The following ZNF708 variants were observed in gnomAD, a reference collection of about 807,000 sequenced individuals.
The protein encoded by ZNF708 is zinc finger protein 708.
In ZNF708, 44 loss-of-function variants were observed where a neutral mutation model predicts 47.0. The observed-to-expected ratio is 0.94, with a 90% CI of 0.74 to 1.20. The LOEUF (loss-of-function observed/expected upper bound fraction) is 1.20. Among genes scored for constraint, ZNF708 ranks in the 50% most tolerant of loss-of-function variants. ZNF708 has a pLI of 0.00. For synonymous variants in ZNF708, 184 were observed against 218.5 expected (o/e 0.84, Z 1.39); for missense variants, 557 against 656.0 (o/e 0.85, Z 1.65).
chr19:21,294,468 A>G lies in ZNF708; in HGVS notation c.498T>C (p.Asn166=), dbSNP rs780641593. 1.2e-5 allele frequency: 20 copies of G among 1,613,722 alleles called. No homozygotes were observed. The highest frequency in any genetic ancestry group is 1.7e-5 in the Non-Finnish European group (20 of 1,179,876). ...TGCCACATTCTTTACATTTGAAAGG[A>G]TTTTTTCCAGTATGTCTTATCTTAT... is the stretch of plus-strand genomic sequence containing the variant. ...KRHKIRHTGK[N]PFKCKECGKS... is the part of the protein sequence containing the mutation. The change falls in exon 4 of 4, where the codon AAT becomes AAC. Residue 166 remains asparagine (N), a synonymous_variant. Transcript: ENST00000356929.
At position 21,329,365 on chromosome 19, in the gene ZNF708, G is replaced by T; in HGVS notation, c.-153C>A. 1 of 1,239,116 alleles carries T rather than the reference G, an allele frequency of 8.1e-7. No individual in the cohort carries two copies. The highest frequency in any genetic ancestry group is 1.1e-6 in the Non-Finnish European group (1 of 872,184). The allele number at this position is 1,239,116 out of a possible 1,614,324, so 76.8% of individuals were successfully genotyped here. ...GGCTGCAGCAAGAGACAAAGGCCGC[G>T]CCAAACCCGGAAGCCGCCCTGTCCG... On this transcript the variant is annotated 5_prime_UTR_variant, in exon 1 of 4. Transcript: ENST00000356929.
Position 21,310,520 on chromosome 19 carries a change from A to T in ZNF708, c.111T>A (p.Tyr37Ter). 7.0e-7 allele frequency: 1 copy of T among 1,434,940 alleles called. No individual in the cohort carries two copies. Among genetic ancestry groups the T allele is most frequent in the Non-Finnish European group, 9.2e-7 (1 of 1,089,394 alleles). The allele number at this position is 1,434,940 out of a possible 1,614,324, so 88.9% of individuals were successfully genotyped here. A position where few individuals can be genotyped will look rare whatever the true frequency, so the allele number is the denominator to read the frequency against. ...CCTCACCCAGGAATACCAGGTTTCT[A>T]TAATTCTCTAACATGACATTCCTAT... ...NLYRNVMLEN[Y>*]RNLVFLGIAV... The change falls in exon 2 of 4, where the codon TAT (tyrosine) becomes TAA (stop). Residue 37 changes from tyrosine (Y) to a stop codon, truncating the protein, a stop_gained. Coordinates refer to ENST00000356929, the MANE Select transcript of ZNF708 (RefSeq NM_021269.3). LOFTEE classifies it high-confidence loss of function.
At position 21,329,191 on chromosome 19, in the gene ZNF708, T is replaced by G. The variant is rs1467031348; in HGVS notation, c.3+19A>C. 9.3e-6 allele frequency: 15 copies of G among 1,611,850 alleles called. No individual in the cohort carries two copies. Among genetic ancestry groups the G allele is most frequent in the African/African-American group, 1.3e-5 (1 of 74,866 alleles). ...AACCAGCCCTTCCCCTCTCTCGGGA[T>G]GTCGGACGGCACTCTCACCATTTCT... is the stretch of plus-strand genomic sequence containing the variant. On this transcript the variant is annotated intron_variant, in intron 1 of 3. Coordinates refer to ENST00000356929, the MANE Select transcript of ZNF708 (RefSeq NM_021269.3).
chr19:21,326,091 G>GGGAA (rs2145191409), intron 1 of ZNF708, among the ~76,000 whole-genome samples: 1 of 152,310 alleles, frequency 6.6e-6, no homozygotes, highest in South Asian at 2.1e-4. Context: ...GTGGTGAACA[G>GGGAA]GGAACACTTC....
rs776260866 is a variant in ZNF708, at chr19:21,309,268, G to C, written c.204C>G (p.His68Gln). The change falls in exon 3 of 4, where the codon CAC (histidine) becomes CAG (glutamine). Residue 68 changes from histidine (H) to glutamine (Q), a missense_variant. Coordinates refer to ENST00000356929, the MANE Select transcript of ZNF708 (RefSeq NM_021269.3). ...QGKEPWNMKR[H>Q]EMAAKPPAMC... ...TACCTGGGGGTTTGGCTGCCATCTC[G>C]TGTCTCTTCATATTCCAGGGCTCTT... The C allele has an allele frequency of 6.2e-7, 1 of 1,603,752 alleles. No individual in the cohort carries two copies. The highest frequency in any genetic ancestry group is 1.3e-5 in the African/African-American group (1 of 74,676).
chr19:21,312,267 C>T (rs571323123), intron 1 of ZNF708, among the ~76,000 whole-genome samples: 12 of 149,868 alleles, frequency 8.0e-5, no homozygotes, highest in Admixed American at 2.0e-4. Context: ...TGCACTCCAG[C>T]CTGGTGACAG....
In ZNF708 at chr19:21,292,962, C is replaced by G; in HGVS notation, c.*312G>C. 4.1e-6 allele frequency: 1 copy of G among 242,668 alleles called. No homozygotes were observed. The highest frequency in any genetic ancestry group is 7.1e-5 in the South Asian group (1 of 14,066). 15.0% of individuals were successfully genotyped at this position (242,668 alleles called of 1,614,324 possible). ...CATTTTTCGCATTTTTAAAGTTCCTCACCAGTATGATTTATTTTATGTTTA... is the reference window on the plus strand; with the variant it reads ...CATTTTTCGCATTTTTAAAGTTCCTGACCAGTATGATTTATTTTATGTTTA... On this transcript the variant is annotated 3_prime_UTR_variant, in exon 4 of 4. Transcript: ENST00000356929.
At position 21,293,091 on chromosome 19, in the gene ZNF708, A is replaced by C. The variant is rs1204353256; in HGVS notation, c.*183T>G. On this transcript the variant is annotated 3_prime_UTR_variant, in exon 4 of 4. Coordinates refer to ENST00000356929, the MANE Select transcript of ZNF708 (RefSeq NM_021269.3). Reference sequence around the variant, plus strand: ...TTTAGTAAGATTTAGGGACCAGTTAAATGCTTTGCCACATTCTTTACATTT... The same window carrying C: ...TTTAGTAAGATTTAGGGACCAGTTACATGCTTTGCCACATTCTTTACATTT... 3 of 856,802 alleles carry C rather than the reference A, an allele frequency of 3.5e-6. No individual in the cohort carries two copies. The highest frequency in any genetic ancestry group is 1.7e-5 in the African/African-American group (1 of 58,588). 53.1% of individuals were successfully genotyped at this position (856,802 alleles called of 1,614,324 possible).
intron 1 of ZNF708, among the ~76,000 whole-genome samples, chr19:21,314,795 C>T (rs932798572): frequency 3.9e-5 from 6 of 152,166 alleles, no homozygotes; most frequent in Non-Finnish European, 7.3e-5. Flanking sequence ...TGACTCATTT[C>T]TCTTACACTG....
At chr19:21,327,464 G>T (rs1201943594) in intron 1 of ZNF708, among the ~76,000 whole-genome samples, 1 of 151,488 alleles carries the variant, frequency 6.6e-6, no homozygotes, top group South Asian at 2.1e-4. Context: ...CCTGGGAGGC[G>T]GAGGTTGCGG....
At chr19:21,307,952 T>C (rs2997221) in intron 3 of ZNF708, among the ~76,000 whole-genome samples, 12 of 152,202 alleles carry the variant, frequency 7.9e-5, no homozygotes, top group African/African-American at 2.6e-4. Context: ...GTTATCATTC[T>C]ATAAACCTAA....
At chr19:21,319,396 A>G (rs1413862499) in intron 1 of ZNF708, among the ~76,000 whole-genome samples, 1 of 151,592 alleles carries the variant, frequency 6.6e-6, no homozygotes, top group African/African-American at 2.4e-5. Context: ...ATTATTCTGT[A>G]TTGCTAAATT....
At chr19:21,322,304 C>CT (rs141217085) in intron 1 of ZNF708, among the ~76,000 whole-genome samples, 23,077 of 148,030 alleles carry the variant, frequency 0.16, 2,074 homozygotes, top group Non-Finnish European at 0.21. Context: ...TCTTTCTTTC[C>CT]TTTTTTTTTT....
intron 1 of ZNF708, among the ~76,000 whole-genome samples, chr19:21,313,745 G>A (rs1326565899): frequency 1.7e-5 from 2 of 120,088 alleles, no homozygotes; most frequent in African/African-American, 3.2e-5. Context: ...GCAACAGTGC[G>A]AGACTATGTC....
intron 3 of ZNF708, among the ~76,000 whole-genome samples, chr19:21,297,260 ATATATATATATTTTTTTTTTTTTTT>A (rs1216933372): frequency 5.9e-4 from 9 of 15,228 alleles, no homozygotes; most frequent in East Asian, 1.4e-3. Context: ...ATATATATAT[ATATATATATATTTTTTTTTTTTTTT>A]TTTTTTTTTT....
intron 1 of ZNF708, among the ~76,000 whole-genome samples, chr19:21,322,782 C>T (rs1489294423): frequency 6.6e-6 from 1 of 152,164 alleles, no homozygotes; most frequent in Non-Finnish European, 1.5e-5. Context: ...CTGCAGTTTA[C>T]TGAAAACCAA....
rs1972479301 is a variant in ZNF708 at position 21,294,298 on chromosome 19, G to A, written c.668C>T (p.Pro223Leu). 1 of 1,612,738 alleles carries A rather than the reference G, an allele frequency of 6.2e-7. No individual in the cohort carries two copies. The highest frequency in any genetic ancestry group is 8.5e-7 in the Non-Finnish European group (1 of 1,179,768). The change falls in exon 4 of 4, where the codon CCC (proline) becomes CTC (leucine). Residue 223 changes from proline to leucine, a missense_variant. Transcript: ENST00000356929. ...NHKIIHTGEK[P>L]YKCEECGKAF... Reference sequence around the variant, plus strand: ...TTTTCCACATTCTTCACATTTGTAGGGTTTCTCTCCAGTATGAATTATCTT... The same window carrying A: ...TTTTCCACATTCTTCACATTTGTAGAGTTTCTCTCCAGTATGAATTATCTT...
chr19:21,328,340 T>C (rs1202245527), intron 1 of ZNF708, among the ~76,000 whole-genome samples: 1 of 152,172 alleles, frequency 6.6e-6, no homozygotes, highest in East Asian at 1.9e-4. Flanking sequence ...GTATCAAAAA[T>C]GTACACTAAA....
chr19:21,294,566 T>G lies in ZNF708; in HGVS notation c.400A>C (p.Thr134Pro). ...GHKGLNRCVT[T>P]TQSKIVQCDK... is the part of the protein sequence containing the mutation. Reference sequence around the variant, plus strand: ...CACTGAACTATTTTGCTCTGGGTAGTTGTCACACACCGGTTAAGTCCCTTG... The same window carrying G: ...CACTGAACTATTTTGCTCTGGGTAGGTGTCACACACCGGTTAAGTCCCTTG... The change falls in exon 4 of 4, where the codon ACT (threonine) becomes CCT (proline). Residue 134 changes from threonine to proline, a missense_variant. By Grantham distance (38) the Thr-to-Pro change is conservative. Coordinates refer to ENST00000356929, the MANE Select transcript of ZNF708 (RefSeq NM_021269.3). 1 of 1,614,138 alleles carries G rather than the reference T, an allele frequency of 6.2e-7. No homozygotes were observed. Among genetic ancestry groups the G allele is most frequent in the Non-Finnish European group, 8.5e-7 (1 of 1,179,966 alleles).
Sources: gnomAD v4.1 joint callset for allele counts (sites outside exome capture counted in the v4.1 genomes callset) on GRCh38, gnomAD v4.1.1 for gene constraint, MANE v1.5 for transcripts, NCBI Gene and HGNC (gene_info 2026-07-23, HGNC 2026-07-21) for gene names.